Variants in KDM1B observed in about 807,000 individuals in gnomAD.
The protein encoded by KDM1B is lysine demethylase 1B, also known as lysine-specific histone demethylase 2.
A neutral mutation model predicts 107.4 loss-of-function variants in KDM1B; 63 were observed. The observed-to-expected ratio is 0.59, with a 90% CI of 0.48 to 0.72. The LOEUF (loss-of-function observed/expected upper bound fraction) is 0.72. Among genes scored for constraint, KDM1B ranks in the 30% least tolerant of loss-of-function variants. The pLI, the probability that KDM1B is intolerant of heterozygous loss-of-function variation, is 0.00. For missense variants in KDM1B, 749 were observed against 1,020.8 expected, an observed-to-expected ratio of 0.73 and a Z score of 3.63; for synonymous variants, 363 against 363.9, an observed-to-expected ratio of 1.00 and a Z score of 0.03.
chr6:18,176,385 T>A (rs929227312), intron 7 of KDM1B, among the ~76,000 whole-genome samples: 1 of 152,162 alleles, frequency 6.6e-6, no homozygotes, highest in Non-Finnish European at 1.5e-5. Context: ...GGGTAAACGA[T>A]CATATCATCA....
rs561582202 is a variant in KDM1B at position 18,212,968 on chromosome 6, T to C, written c.1983+364T>C. ...TATTTCTCCTGCCTTTAATATCTCC[T>C]GTAGCAGAATGGGCCAGTGCTGCAG... On this transcript the variant is annotated intron_variant, in intron 18 of 21. Coordinates refer to ENST00000650836, the MANE Select transcript of KDM1B (RefSeq NM_001364614.2). The surrounding 1 kb of genome is among the most constrained non-coding windows in gnomAD (Gnocchi z 5.2). Among the ~76,000 whole-genome samples, 1 of 152,314 alleles carries C rather than the reference T, an allele frequency of 6.6e-6. No individual in the cohort carries two copies. The highest frequency in any genetic ancestry group is 1.9e-4 in the East Asian group (1 of 5,176).
chr6:18,187,119 G>A (rs1786918179), intron 8 of KDM1B, among the ~76,000 whole-genome samples: 1 of 152,036 alleles, frequency 6.6e-6, no homozygotes, highest in African/African-American at 2.4e-5. Context: ...TGCTTTGGAA[G>A]CCACATAGAC....
intron 20 of KDM1B, among the ~76,000 whole-genome samples, chr6:18,216,888 G>A (rs1049266088): frequency 4.6e-5 from 7 of 152,124 alleles, no homozygotes; most frequent in Admixed American, 4.6e-4. Flanking sequence ...GTATAGTATT[G>A]GTCCTATCCA....
At chr6:18,190,243 G>C (rs1787183406) in intron 9 of KDM1B, among the ~76,000 whole-genome samples, 1 of 152,012 alleles carries the variant, frequency 6.6e-6, no homozygotes, top group Admixed American at 6.6e-5. Context: ...GAAAGTTCTA[G>C]AGATCTGTGC....
At position 18,212,971 on chromosome 6, in the gene KDM1B, AG is replaced by A. The variant is rs1443477831; in HGVS notation, c.1983+368del. Among the ~76,000 whole-genome samples the A allele has an allele frequency of 2.6e-4, 40 of 152,208 alleles. No individual in the cohort carries two copies. The highest frequency in any genetic ancestry group is 8.2e-4 in the African/African-American group (34 of 41,528). On this transcript the variant is annotated intron_variant, in intron 18 of 21. Coordinates refer to ENST00000650836, the MANE Select transcript of KDM1B (RefSeq NM_001364614.2). This position sits in a 1 kb window ranked among gnomAD's most constrained non-coding sequence, Gnocchi z 5.2. ...TTCTCCTGCCTTTAATATCTCCTGT[AG>A]CAGAATGGGCCAGTGCTGCAGCAGA...
At chr6:18,217,437 G>A (rs1789330495) in intron 20 of KDM1B, among the ~76,000 whole-genome samples, 1 of 149,200 alleles carries the variant, frequency 6.7e-6, no homozygotes, top group Admixed American at 6.7e-5. Context: ...GGAGTGCAGT[G>A]GCGCGATCTC....
Position 18,159,758 on chromosome 6 carries a change from C to T in KDM1B, c.-13-125C>T, listed in dbSNP as rs894499714. On this transcript the variant is annotated intron_variant, in intron 2 of 21. Coordinates refer to ENST00000650836, the MANE Select transcript of KDM1B (RefSeq NM_001364614.2). The surrounding 1 kb of genome is among the most constrained non-coding windows in gnomAD (Gnocchi z 4.5). ...ATGTCTCAAAAGAAAAGAAAGAAAA[C>T]TGTAGCTTTGTATTTAGGCAATCTG... 2 of 617,490 alleles carry T rather than the reference C, an allele frequency of 3.2e-6. No homozygotes were observed. Among genetic ancestry groups the T allele is most frequent in the African/African-American group, 1.9e-5 (1 of 51,912 alleles). The allele number at this position is 617,490 out of a possible 1,614,324, so 38.3% of individuals were successfully genotyped here.
At position 18,222,205 on chromosome 6, in the gene KDM1B, A is replaced by G. The variant is rs1789810294; in HGVS notation, c.*213A>G. The G allele has an allele frequency of 4.5e-6, 3 of 661,682 alleles. No homozygotes were observed. Among genetic ancestry groups the G allele is most frequent in the Admixed American group, 2.0e-5 (1 of 48,798 alleles). The allele number at this position is 661,682 out of a possible 1,614,324, so 41.0% of individuals were successfully genotyped here. On this transcript the variant is annotated 3_prime_UTR_variant, in exon 22 of 22. Transcript: ENST00000650836. The stretch of plus-strand genomic sequence containing the variant: ...GCACTTAGATTTAATTGCATTTTCC[A>G]TAGGTTCAACTACTGCTGAAAGTCT...
At chr6:18,217,125 C>G (rs1173134576) in intron 20 of KDM1B, among the ~76,000 whole-genome samples, 2 of 152,172 alleles carry the variant, frequency 1.3e-5, no homozygotes, top group East Asian at 1.9e-4. Context: ...GGCCCGAACT[C>G]TTAGCCATGG....
intron 7 of KDM1B, among the ~76,000 whole-genome samples, chr6:18,181,680 A>G (rs1186253964): frequency 1.3e-5 from 2 of 152,218 alleles, no homozygotes; most frequent in African/African-American, 2.4e-5. Flanking sequence ...CATGAGGTCA[A>G]GGCTGCAGTG....
intron 5 of KDM1B, among the ~76,000 whole-genome samples, chr6:18,163,719 T>A (rs1785113072): frequency 6.6e-6 from 1 of 152,230 alleles, no homozygotes; most frequent in Non-Finnish European, 1.5e-5. Flanking sequence ...TACAAATATT[T>A]GGGACACCTC....
rs1402435807 is a variant in KDM1B, at chr6:18,205,542, A to G, written c.1537A>G (p.Ile513Val). 5 of 1,547,578 alleles carry G rather than the reference A, an allele frequency of 3.2e-6. No individual in the cohort carries two copies. In the East Asian group the frequency reaches 7.4e-5, roughly 23 times the overall value. The change falls in exon 15 of 22, where the codon ATA (isoleucine) becomes GTA (valine). Residue 513 changes from isoleucine to valine, a missense_variant. By Grantham distance (29) the Ile-to-Val change is conservative. Coordinates refer to ENST00000650836, the MANE Select transcript of KDM1B (RefSeq NM_001364614.2). The surrounding 1 kb of genome is among the most constrained non-coding windows in gnomAD (Gnocchi z 5.7). ...TTGATCCATTCCCATTACAGAAAAGATAGAAGAAATCTACAAGGCATTTAT... is the reference window on the plus strand; with the variant it reads ...TTGATCCATTCCCATTACAGAAAAGGTAGAAGAAATCTACAAGGCATTTAT... ...QLQDVPLGEK[I>V]EEIYKAFIKE... is the part of the protein sequence containing the mutation.
In KDM1B at chr6:18,191,178, C is replaced by G; in HGVS notation, c.785-19C>G. On this transcript the variant is annotated intron_variant, in intron 9 of 21. Coordinates refer to ENST00000650836, the MANE Select transcript of KDM1B (RefSeq NM_001364614.2). The surrounding 1 kb of genome is among the most constrained non-coding windows in gnomAD (Gnocchi z 5.1). ...GAAGTTACAGCTTGTAGGAGTTGCCCATTTGTGTTACCTATCAGTTCCAGG... is the reference window on the plus strand; with the variant it reads ...GAAGTTACAGCTTGTAGGAGTTGCCGATTTGTGTTACCTATCAGTTCCAGG... 2 of 1,546,474 alleles carry G rather than the reference C, an allele frequency of 1.3e-6. No individual in the cohort carries two copies. The highest frequency in any genetic ancestry group is 1.7e-6 in the Non-Finnish European group (2 of 1,144,882).
At chr6:18,198,685 A>G (rs1787828548) in intron 12 of KDM1B, among the ~76,000 whole-genome samples, 1 of 150,656 alleles carries the variant, frequency 6.6e-6, no homozygotes, top group South Asian at 2.1e-4. Context: ...CTCATTTCAG[A>G]CATGACCCAC....
rs1320501960 is a variant in KDM1B, at chr6:18,209,539, G to A, written c.1866+1333G>A. Among the ~76,000 whole-genome samples, 4 of 152,164 alleles carry A rather than the reference G, an allele frequency of 2.6e-5. No individual in the cohort carries two copies. Among genetic ancestry groups the A allele is most frequent in the Non-Finnish European group, 5.9e-5 (4 of 68,024 alleles). On this transcript the variant is annotated intron_variant, in intron 17 of 21. Coordinates refer to ENST00000650836, the MANE Select transcript of KDM1B (RefSeq NM_001364614.2). This position sits in a 1 kb window ranked among gnomAD's most constrained non-coding sequence, Gnocchi z 4.3. ...CCGGGCTGCACGTCGGAACCACCTGGGAGGCGCTTACAAAGAAAGGCTGGA... is the reference window on the plus strand; with the variant it reads ...CCGGGCTGCACGTCGGAACCACCTGAGAGGCGCTTACAAAGAAAGGCTGGA...
At chr6:18,221,844 GTTTTACC>G in intron 21 of KDM1B, 58 bp from the exon 22 acceptor site, 1 of 1,312,374 alleles carries the variant, frequency 7.6e-7, no homozygotes, top group Non-Finnish European at 1.1e-6. Context: ...GTCTAACCTT[GTTTTACC>G]TTTTGATATC....
chr6:18,221,587 G>A (rs1028329878), intron 21 of KDM1B, among the ~76,000 whole-genome samples: 10 of 152,156 alleles, frequency 6.6e-5, no homozygotes, highest in South Asian at 6.2e-4. Context: ...TACTTGTTTC[G>A]CCTGTGATTG....
At position 18,197,428 on chromosome 6, in the gene KDM1B, A is replaced by G. The variant is rs1179752838; in HGVS notation, c.1147-159A>G. Among the ~76,000 whole-genome samples, 1 of 152,256 alleles carries G rather than the reference A, an allele frequency of 6.6e-6. No homozygotes were observed. Among genetic ancestry groups the G allele is most frequent in the Non-Finnish European group, 1.5e-5 (1 of 68,040 alleles). On this transcript the variant is annotated intron_variant, in intron 11 of 21. Transcript: ENST00000650836. This position sits in a 1 kb window ranked among gnomAD's most constrained non-coding sequence, Gnocchi z 4.5. Reference sequence around the variant, plus strand: ...CAGATTGTAGGGAAAAAGGGAAGGGAGTAATAAGACAAGTGCCACCACATT... The same window carrying G: ...CAGATTGTAGGGAAAAAGGGAAGGGGGTAATAAGACAAGTGCCACCACATT...
chr6:18,188,865 C>G (rs1401312138), intron 9 of KDM1B, among the ~76,000 whole-genome samples: 2 of 151,760 alleles, frequency 1.3e-5, no homozygotes, highest in African/African-American at 4.8e-5. Flanking sequence ...CTCCCTGCAA[C>G]CTCCTCCTCC....
Sources: allele counts gnomAD v4.1 joint callset (sites outside exome capture counted in the v4.1 genomes callset), GRCh38; gene constraint gnomAD v4.1.1; non-coding constraint Gnocchi (gnomAD v3.1); transcripts MANE v1.5; gene names NCBI Gene and HGNC (gene_info 2026-07-23, HGNC 2026-07-21).